GPR55: variants seen among roughly 807,000 people sequenced by gnomAD.
GPR55 encodes G-protein coupled receptor 55.
In GPR55, 6 loss-of-function variants were observed where a neutral mutation model predicts 7.9. That is an observed-to-expected ratio of 0.76 (90% CI 0.41 to 1.49). The LOEUF (loss-of-function observed/expected upper bound fraction) is 1.49. Among genes scored for constraint, GPR55 ranks in the 40% most tolerant of loss-of-function variants. The pLI is 0.01. For missense variants in GPR55, 376 were observed against 406.0 expected, an observed-to-expected ratio of 0.93 and a Z score of 0.63; for synonymous variants, 183 against 166.8, an observed-to-expected ratio of 1.10 and a Z score of -0.75.
At chr2:230,943,118 G>GGAGAGAAA (rs749809564) in intron 1 of GPR55, among the ~76,000 whole-genome samples, 13 of 149,212 alleles carry the variant, frequency 8.7e-5, no homozygotes, top group Non-Finnish European at 1.6e-4. Context: ...GAGAGAGAGA[G>GGAGAGAAA]GAGAGAGAGA....
chr2:230,921,412 G>A (rs566567540), intron 1 of GPR55, among the ~76,000 whole-genome samples: 2 of 152,196 alleles, frequency 1.3e-5, no homozygotes, highest in Admixed American at 6.5e-5. Context: ...CCCCATTCCC[G>A]AGCACAGGCA....
chr2:230,947,957 C>T (rs1691345246), intron 1 of GPR55, among the ~76,000 whole-genome samples: 1 of 152,140 alleles, frequency 6.6e-6, no homozygotes, highest in Non-Finnish European at 1.5e-5. Context: ...CCCGCCTCAC[C>T]AGGCCACGGT....
intron 1 of GPR55, among the ~76,000 whole-genome samples, chr2:230,921,905 AG>A (rs1302788215): frequency 2.2e-4 from 34 of 152,232 alleles, no homozygotes; most frequent in Non-Finnish European, 3.8e-4. Flanking sequence ...TCCATCCTCC[AG>A]TGATCGTGAC....
intron 1 of GPR55, among the ~76,000 whole-genome samples, chr2:230,950,720 A>G (rs1396653527): frequency 6.6e-6 from 1 of 152,102 alleles, no homozygotes; most frequent in African/African-American, 2.4e-5. Context: ...GTCTCGTGTT[A>G]TGACAGTGGC....
chr2:230,960,449 G>T (rs1160602659), intron 1 of GPR55, among the ~76,000 whole-genome samples: 1 of 152,024 alleles, frequency 6.6e-6, no homozygotes, highest in Non-Finnish European at 1.5e-5. Context: ...TAACTTTCCT[G>T]TGTCTTACTT....
rs774660241 is a variant in GPR55 at position 230,910,451 on chromosome 2, T to G, written c.512A>C (p.Asn171Thr). Residue 171 changes from asparagine (N) to threonine (T), a missense_variant, in exon 2 of 2, where the codon AAC (asparagine) becomes ACC (threonine). Coordinates refer to ENST00000650999, the MANE Select transcript of GPR55 (RefSeq NM_005683.4). The surrounding 1 kb of genome is among the most constrained non-coding windows in gnomAD (Gnocchi z 5.4). ...GKVEKYMCFH[N>T]MSDDTWSAKV... is the part of the protein sequence containing the mutation. ...GGCGCTCCAGGTATCATCAGACATG[T>G]TGTGGAAGCACATGTATTTTTCCAC... 5.6e-6 allele frequency: 9 copies of G among 1,613,928 alleles called. No individual in the cohort carries two copies. Among genetic ancestry groups the G allele is most frequent in the Non-Finnish European group, 7.6e-6 (9 of 1,179,932 alleles).
At chr2:230,920,554 T>C (rs1289099116) in intron 1 of GPR55, among the ~76,000 whole-genome samples, 1 of 152,100 alleles carries the variant, frequency 6.6e-6, no homozygotes, top group Middle Eastern at 3.2e-3. Flanking sequence ...ATTATAAAAA[T>C]GTGTATTACA....
intron 1 of GPR55, among the ~76,000 whole-genome samples, chr2:230,945,903 T>A (rs898444269): frequency 3.9e-5 from 6 of 152,224 alleles, no homozygotes. Flanking sequence ...TTAGCTAAGA[T>A]AATGGCATGG....
At chr2:230,913,710 C>T (rs1690647534) in intron 1 of GPR55, among the ~76,000 whole-genome samples, 1 of 152,104 alleles carries the variant, frequency 6.6e-6, no homozygotes, top group South Asian at 2.1e-4. Flanking sequence ...GGCCACAGGC[C>T]TAGCTCAAAA....
Position 230,910,153 on chromosome 2 carries a change from C to G in GPR55, c.810G>C (p.Leu270Phe). ...CGTTGGAGAAACACATGGACAATTG[C>G]AAGAAGAAGCTGATGCTCTGCTTGG... is the stretch of plus-strand genomic sequence containing the variant. ...CRAKQSISFF[L>F]QLSMCFSNVN... Residue 270 changes from leucine to phenylalanine, a missense_variant, in exon 2 of 2, where the codon TTG (leucine) becomes TTC (phenylalanine). Coordinates refer to ENST00000650999, the MANE Select transcript of GPR55 (RefSeq NM_005683.4). This position sits in a 1 kb window ranked among gnomAD's most constrained non-coding sequence, Gnocchi z 5.4. 6.2e-7 allele frequency: 1 copy of G among 1,614,186 alleles called. No homozygotes were observed.
At chr2:230,957,867 C>T in intron 1 of GPR55, 1 of 594,888 alleles carries the variant, frequency 1.7e-6, no homozygotes, top group Non-Finnish European at 3.1e-6. Flanking sequence ...AAAGAATTGC[C>T]AGAGAAGGAA....
In GPR55 at chr2:230,931,179, G is replaced by T. The variant is rs142890901; in HGVS notation, c.-134-20083C>A. Among the ~76,000 whole-genome samples the T allele has an allele frequency of 2.4e-3, 368 of 152,268 alleles. 1 individual carries two copies. The highest frequency in any genetic ancestry group is 8.5e-3 in the African/African-American group (355 of 41,546). The stretch of plus-strand genomic sequence containing the variant: ...AGGGCACACCACACTCCAGTACCTG[G>T]CTCAGTCTTCATCTCCACCCCAAGT... On this transcript the variant is annotated intron_variant, in intron 1 of 1. Transcript: ENST00000392039.
chr2:230,911,017 T>C lies in GPR55; in HGVS notation c.-55A>G. 1 of 1,522,498 alleles carries C rather than the reference T, an allele frequency of 6.6e-7. No homozygotes were observed. The highest frequency in any genetic ancestry group is 8.9e-7 in the Non-Finnish European group (1 of 1,129,146). 94.3% of individuals were successfully genotyped at this position (1,522,498 alleles called of 1,614,324 possible). A position where few individuals can be genotyped will look rare whatever the true frequency, so the allele number is the denominator to read the frequency against. On this transcript the variant is annotated 5_prime_UTR_variant, in exon 2 of 2. Transcript: ENST00000650999. Reference sequence around the variant, plus strand: ...CGGGGCTCCTTTCACTCTCTTGAAGTGATGGATTCAAATGACTTTGTCAAG... The same window carrying C: ...CGGGGCTCCTTTCACTCTCTTGAAGCGATGGATTCAAATGACTTTGTCAAG...
intron 1 of GPR55, among the ~76,000 whole-genome samples, chr2:230,959,069 CCTA>C (rs1198615115): frequency 6.6e-6 from 1 of 152,196 alleles, no homozygotes; most frequent in Non-Finnish European, 1.5e-5. Context: ...AGCTTTGGTT[CCTA>C]CTTTTCTTCC....
At chr2:230,934,413 G>C (rs1691101380) in intron 1 of GPR55, among the ~76,000 whole-genome samples, 1 of 152,188 alleles carries the variant, frequency 6.6e-6, no homozygotes, top group Non-Finnish European at 1.5e-5. Flanking sequence ...TTAGTTCCCA[G>C]GACCAAATGT....
At chr2:230,959,727 A>G (rs1224382585) in intron 1 of GPR55, among the ~76,000 whole-genome samples, 1 of 152,016 alleles carries the variant, frequency 6.6e-6, no homozygotes, top group Non-Finnish European at 1.5e-5. Flanking sequence ...ATTTTTGTTG[A>G]TTGCTAAACA....
At chr2:230,915,086 C>T (rs1434729003) in intron 1 of GPR55, among the ~76,000 whole-genome samples, 2 of 152,234 alleles carry the variant, frequency 1.3e-5, no homozygotes, top group Non-Finnish European at 2.9e-5. Flanking sequence ...CAGAAATCGC[C>T]CCAGGCTAGT....
At chr2:230,914,684 C>T (rs544594627) in intron 1 of GPR55, among the ~76,000 whole-genome samples, 2 of 152,272 alleles carry the variant, frequency 1.3e-5, no homozygotes, top group East Asian at 3.9e-4. Context: ...CAGCAACTAG[C>T]ACCATTTGCT....
At chr2:230,936,579 G>T (rs1008372523) in intron 1 of GPR55, among the ~76,000 whole-genome samples, 3 of 152,138 alleles carry the variant, frequency 2.0e-5, no homozygotes, top group African/African-American at 7.2e-5. Flanking sequence ...CCAGTCTTGG[G>T]TATGTGTTTA....
Sources: gnomAD v4.1 joint callset for allele counts (sites outside exome capture counted in the v4.1 genomes callset) on GRCh38, gnomAD v4.1.1 for gene constraint, Gnocchi (gnomAD v3.1) non-coding constraint, MANE v1.5 for transcripts, NCBI Gene and HGNC (gene_info 2026-07-23, HGNC 2026-07-21) for gene names.